The following DMRT1 variants were observed in gnomAD, a reference collection of about 807,000 sequenced individuals.
DMRT1 encodes doublesex and mab-3 related transcription factor 1.
Under a neutral mutation model 32.3 loss-of-function variants are expected in DMRT1, and 7 were observed. The observed-to-expected ratio is 0.22, with a 90% CI of 0.12 to 0.41. The LOEUF is 0.41. DMRT1 is among the 10% of genes least tolerant of loss of function. DMRT1 has a pLI of 1.00. For missense variants in DMRT1, 625 were observed against 500.5 expected (o/e 1.25, Z -2.37); for synonymous variants, 278 against 206.1 (o/e 1.35, Z -2.99).
chr9:960,991 C>T lies in DMRT1; in HGVS notation c.968-6994C>T, dbSNP rs192640672. ...ACGTGTGGGTGACCACAGGAGGGAA[C>T]GTAGCACTTAATGGGGCCCCACGCC... On this transcript the variant is annotated intron_variant, in intron 4 of 4. Coordinates refer to ENST00000382276, the MANE Select transcript of DMRT1 (RefSeq NM_021951.3). 7.2e-5 allele frequency among the ~76,000 whole-genome samples: 11 copies of T among 152,290 alleles called. No individual in the cohort carries two copies. In the South Asian group the frequency reaches 8.3e-4, roughly 11 times the overall value.
At chr9:899,904 C>T (rs1157088487) in intron 3 of DMRT1, among the ~76,000 whole-genome samples, 9 of 152,192 alleles carry the variant, frequency 5.9e-5, no homozygotes, top group African/African-American at 1.9e-4. Context: ...ATTCCAGCCA[C>T]GTTTAGGGTG....
At chr9:853,561 C>CT (rs1426482799) in intron 2 of DMRT1, among the ~76,000 whole-genome samples, 1 of 150,418 alleles carries the variant, frequency 6.6e-6, no homozygotes, top group Non-Finnish European at 1.5e-5. Context: ...CAATCTCCGC[C>CT]TCCCAGGTTC....
intron 1 of DMRT1, among the ~76,000 whole-genome samples, chr9:846,241 C>G (rs1838898523): frequency 6.6e-6 from 1 of 152,006 alleles, no homozygotes. Flanking sequence ...CCATGTTGGC[C>G]AGGCCGATCT....
At chr9:884,556 A>T (rs1175817148) in intron 2 of DMRT1, among the ~76,000 whole-genome samples, 1 of 152,150 alleles carries the variant, frequency 6.6e-6, no homozygotes, top group African/African-American at 2.4e-5. Flanking sequence ...GACAAATGCT[A>T]TTGGTAATTT....
At chr9:856,098 G>T (rs1289194510) in intron 2 of DMRT1, among the ~76,000 whole-genome samples, 3 of 151,596 alleles carry the variant, frequency 2.0e-5, no homozygotes, top group Admixed American at 6.6e-5. Flanking sequence ...TGTATTTTTA[G>T]TAGAGACGAG....
At chr9:865,107 G>A (rs1262937306) in intron 2 of DMRT1, among the ~76,000 whole-genome samples, 1 of 152,200 alleles carries the variant, frequency 6.6e-6, no homozygotes, top group Non-Finnish European at 1.5e-5. Context: ...GATGTGGAAT[G>A]AGCATTGTCA....
intron 2 of DMRT1, among the ~76,000 whole-genome samples, chr9:879,242 T>G (rs2132626019): frequency 6.6e-6 from 1 of 152,328 alleles, no homozygotes; most frequent in Middle Eastern, 3.4e-3. Flanking sequence ...TCAAGAGCTT[T>G]TATTTATGTG....
intron 4 of DMRT1, among the ~76,000 whole-genome samples, chr9:958,570 T>C (rs1754969262): frequency 6.6e-6 from 1 of 152,204 alleles, no homozygotes; most frequent in Non-Finnish European, 1.5e-5. Flanking sequence ...TTTCACCATG[T>C]TGGACAGGCT....
At chr9:871,534 G>T (rs1017883765) in intron 2 of DMRT1, among the ~76,000 whole-genome samples, 1 of 139,202 alleles carries the variant, frequency 7.2e-6, no homozygotes, top group Non-Finnish European at 1.5e-5. Flanking sequence ...GTAGAGACGG[G>T]GTTTCACCGT....
At position 844,715 on chromosome 9, in the gene DMRT1, C is replaced by CTTT. The variant is rs1170214043; in HGVS notation, c.355-2244_355-2242dup. On this transcript the variant is annotated intron_variant, in intron 1 of 4. Coordinates refer to ENST00000382276, the MANE Select transcript of DMRT1 (RefSeq NM_021951.3). ...AAATTGTAGTTGTTTTTCTTTCTTT[C>CTTT]TTTCTTTTTTTTTTTTTTTTTTGAG... Among the ~76,000 whole-genome samples the CTTT allele has an allele frequency of 3.2e-3, 438 of 135,582 alleles. 8 individuals carry two copies. The highest frequency in any genetic ancestry group is 0.01 in the African/African-American group (374 of 35,808). The allele number at this position is 135,582 out of a possible 152,430, so 88.9% of individuals were successfully genotyped here.
intron 4 of DMRT1, among the ~76,000 whole-genome samples, chr9:928,810 T>G (rs1200187024): frequency 6.6e-6 from 1 of 151,976 alleles, no homozygotes; most frequent in African/African-American, 2.4e-5. Flanking sequence ...CTAAAATTAT[T>G]TGTTTCTGAA....
rs1004061933 is a variant in DMRT1 at position 881,118 on chromosome 9, A to G, written c.539-12794A>G. 4.0e-5 allele frequency among the ~76,000 whole-genome samples: 6 copies of G among 151,128 alleles called. No homozygotes were observed. In the East Asian group the frequency reaches 1.2e-3, roughly 29 times the overall value. On this transcript the variant is annotated intron_variant, in intron 2 of 4. Transcript: ENST00000382276. Reference sequence around the variant, plus strand: ...ATGGGGAATTCTATAGACCCCCCCCACCTCCTCCTCCTGTGCAGCCAGGTT... The same window carrying G: ...ATGGGGAATTCTATAGACCCCCCCCGCCTCCTCCTCCTGTGCAGCCAGGTT...
At chr9:925,895 G>C (rs1346351941) in intron 4 of DMRT1, among the ~76,000 whole-genome samples, 3 of 152,180 alleles carry the variant, frequency 2.0e-5, no homozygotes, top group African/African-American at 7.2e-5. Flanking sequence ...TTTATCCAAG[G>C]CCTCACTGGG....
chr9:967,934 A>G (rs1564282169), intron 4 of DMRT1, 51 bp from the exon 5 acceptor site: 2 of 1,408,612 alleles, frequency 1.4e-6, no homozygotes, highest in East Asian at 2.8e-5. Flanking sequence ...GCCACTTTTA[A>G]CATTACTCCC....
chr9:886,645 A>G (rs563690451), intron 2 of DMRT1, among the ~76,000 whole-genome samples: 1 of 152,144 alleles, frequency 6.6e-6, no homozygotes, highest in East Asian at 1.9e-4. Flanking sequence ...TTGTATGTGG[A>G]AAACCACTTT....
intron 3 of DMRT1, among the ~76,000 whole-genome samples, chr9:901,366 G>C (rs1284031483): frequency 6.6e-6 from 1 of 151,806 alleles, no homozygotes; most frequent in East Asian, 2.0e-4. Flanking sequence ...TCACTCTGTT[G>C]CCCAGGCTAG....
At chr9:960,846 G>C (rs1171528003) in intron 4 of DMRT1, among the ~76,000 whole-genome samples, 2 of 152,236 alleles carry the variant, frequency 1.3e-5, no homozygotes, top group African/African-American at 2.4e-5. Flanking sequence ...GAAGTAGGGT[G>C]GGGTGGGGCA....
At chr9:917,200 CA>C (rs1340842177) in intron 4 of DMRT1, among the ~76,000 whole-genome samples, 1 of 152,004 alleles carries the variant, frequency 6.6e-6, no homozygotes, top group African/African-American at 2.4e-5. Flanking sequence ...ATATGAAATA[CA>C]GGGGCACTTT....
chr9:935,807 A>G (rs1818867808), intron 4 of DMRT1, among the ~76,000 whole-genome samples: 1 of 152,166 alleles, frequency 6.6e-6, no homozygotes, highest in African/African-American at 2.4e-5. Flanking sequence ...ACTTTTGTTT[A>G]CTTATCAAAC....
Sources: gnomAD v4.1 joint callset for allele counts (sites outside exome capture counted in the v4.1 genomes callset) on GRCh38, gnomAD v4.1.1 for gene constraint, MANE v1.5 for transcripts, NCBI Gene and HGNC (gene_info 2026-07-23, HGNC 2026-07-21) for gene names.